The following FBXL22 variants were observed in gnomAD, a reference collection of about 807,000 sequenced individuals.
FBXL22 encodes the protein F-box and leucine rich repeat protein 22.
A neutral mutation model predicts 11.7 loss-of-function variants in FBXL22; 13 were observed. The observed-to-expected ratio is 1.11, with a 90% CI of 0.73 to 1.77. The LOEUF is 1.77. Ranked by LOEUF, FBXL22 falls within the 40% of genes most tolerant of loss-of-function variation. The pLI, the probability that FBXL22 is intolerant of heterozygous loss-of-function variation, is 0.00. For missense variants in FBXL22, 406 were observed against 320.4 expected, an observed-to-expected ratio of 1.27 and a Z score of -2.04; for synonymous variants, 160 against 144.1, an observed-to-expected ratio of 1.11 and a Z score of -0.79.
downstream of FBXL22, among the ~76,000 whole-genome samples, chr15:63,607,237 G>T (rs1481451622): frequency 6.6e-6 from 1 of 152,110 alleles, no homozygotes; most frequent in African/African-American, 2.4e-5. Flanking sequence ...AGTAGAGACG[G>T]GGTTTCACCA....
downstream of FBXL22, among the ~76,000 whole-genome samples, chr15:63,604,478 G>A (rs528447795): frequency 2.6e-4 from 39 of 152,236 alleles, 1 homozygote; most frequent in Non-Finnish European, 4.4e-5. Context: ...GACCCAAATT[G>A]GCCCCCACCT....
intron 1 of FBXL22, chr15:63,599,295 GT>G (rs2067326145): frequency 8.1e-6 from 12 of 1,486,448 alleles, no homozygotes; most frequent in Non-Finnish European, 1.1e-5. Flanking sequence ...TCCGCTCTTT[GT>G]TTTTTCCCTG....
downstream of FBXL22, chr15:63,601,834 A>G: frequency 8.7e-7 from 1 of 1,155,498 alleles, no homozygotes; most frequent in South Asian, 1.7e-5. Flanking sequence ...AAACAAAACC[A>G]GCAGCCCTGG....
downstream of FBXL22, among the ~76,000 whole-genome samples, chr15:63,605,209 C>T (rs2067407452): frequency 6.6e-6 from 1 of 152,202 alleles, no homozygotes; most frequent in South Asian, 2.1e-4. Context: ...CCAGGCCCTA[C>T]CTGGAGTGAC....
At chr15:63,600,330 T>G in intron 1 of FBXL22, 1 of 1,038,122 alleles carries the variant, frequency 9.6e-7, no homozygotes, top group Non-Finnish European at 1.2e-6. Context: ...ACCGCTCCCC[T>G]GCAAGGCAGC....
At chr15:63,601,989 C>T (rs1419520229), downstream of FBXL22, 2 of 340,444 alleles carry the variant, frequency 5.9e-6, no homozygotes, top group East Asian at 6.1e-5. Context: ...TGAAGGCTCT[C>T]GGCCCCCCGG....
In FBXL22 at chr15:63,600,174, T is replaced by C. The variant is rs940356420; in HGVS notation, c.354-523T>C. 3.9e-5 allele frequency: 38 copies of C among 985,826 alleles called. No individual in the cohort carries two copies. The African/African-American group carries it at 5.9e-4, about 15-fold the overall frequency. 61.1% of individuals were successfully genotyped at this position (985,826 alleles called of 1,614,324 possible). A position where few individuals can be genotyped will look rare whatever the true frequency, so the allele number is the denominator to read the frequency against. ...TCTACTAAGCTGAACCCGGACTCAA[T>C]GCTAACGCGTGCCCCCACCGCCTTG... is the stretch of plus-strand genomic sequence containing the variant. On this transcript the variant is annotated intron_variant, in intron 1 of 1. Transcript: ENST00000638704.
At chr15:63,601,437 G>A (rs2067369925), downstream of FBXL22, 2 of 1,580,388 alleles carry the variant, frequency 1.3e-6, no homozygotes, top group Non-Finnish European at 1.7e-6. Flanking sequence ...GGGTGACGGG[G>A]GCCAGGGCTG....
At chr15:63,600,182 C>T (rs931851475) in intron 1 of FBXL22, 1 of 986,072 alleles carries the variant, frequency 1.0e-6, no homozygotes, top group African/African-American at 1.7e-5. Context: ...AATGCTAACG[C>T]GTGCCCCCAC....
rs774389041 is a variant in FBXL22, at chr15:63,599,196, G to A, written c.353+1451G>A. 3 of 1,535,610 alleles carry A rather than the reference G, an allele frequency of 2.0e-6. No homozygotes were observed. In the African/African-American group the frequency reaches 4.1e-5, roughly 21 times the overall value. On this transcript the variant is annotated intron_variant, in intron 1 of 1. Coordinates refer to ENST00000638704, the MANE Select transcript of FBXL22 (RefSeq NM_001367807.1). Reference sequence around the variant, plus strand: ...ACACAGTGGCACCTGGCACATAGTAGGTACTGATGAACGTCTACTGAATCT... The same window carrying A: ...ACACAGTGGCACCTGGCACATAGTAAGTACTGATGAACGTCTACTGAATCT...
downstream of FBXL22, among the ~76,000 whole-genome samples, chr15:63,606,010 C>G (rs1464868899): frequency 2.0e-5 from 3 of 152,214 alleles, no homozygotes; most frequent in Non-Finnish European, 2.9e-5. Context: ...GACACACTGG[C>G]CTGTTTCTGC....
At chr15:63,602,012 C>CCTGGGTCA (rs1478948028), downstream of FBXL22, 1 of 298,192 alleles carries the variant, frequency 3.4e-6, no homozygotes, top group African/African-American at 2.2e-5. Flanking sequence ...GCCGCCTGGT[C>CCTGGGTCA]CTGGGTCACT....
intron 1 of FBXL22, 199 bp from the exon 2 acceptor site, chr15:63,600,498 T>C: frequency 1.6e-6 from 2 of 1,225,678 alleles, no homozygotes; most frequent in Non-Finnish European, 2.0e-6. Flanking sequence ...GAAGGTACGG[T>C]GGGGTGCAGG....
At position 63,600,827 on chromosome 15, in the gene FBXL22, C is replaced by A; in HGVS notation, c.484C>A (p.Arg162Ser). 4 of 1,230,710 alleles carry A rather than the reference C, an allele frequency of 3.3e-6. No individual in the cohort carries two copies. The highest frequency in any genetic ancestry group is 3.0e-6 in the Non-Finnish European group (3 of 987,274). The allele number at this position is 1,230,710 out of a possible 1,614,324, so 76.2% of individuals were successfully genotyped here. A position where few individuals can be genotyped will look rare whatever the true frequency, so the allele number is the denominator to read the frequency against. ...RLENCARVTN[R>S]TLAAVAADGR... is the part of the protein sequence containing the mutation. Reference sequence around the variant, plus strand: ...GGAGAACTGCGCGCGCGTCACCAACCGCACGTTGGCTGCCGTGGCGGCGGA... The same window carrying A: ...GGAGAACTGCGCGCGCGTCACCAACAGCACGTTGGCTGCCGTGGCGGCGGA... The change falls in exon 2 of 2, where the codon CGC becomes AGC. Residue 162 changes from arginine to serine, a missense_variant. Physicochemically the swap from Arg to Ser is moderately radical, Grantham distance 110. Transcript: ENST00000638704.
At chr15:63,598,799 G>A (rs1179164479) in intron 1 of FBXL22, among the ~76,000 whole-genome samples, 1 of 152,196 alleles carries the variant, frequency 6.6e-6, no homozygotes, top group Non-Finnish European at 1.5e-5. Context: ...GTTGGGCCCC[G>A]ACTGGACAAG....
intron 1 of FBXL22, chr15:63,600,193 C>T (rs890253714): frequency 1.0e-6 from 1 of 986,382 alleles, no homozygotes; most frequent in Non-Finnish European, 1.2e-6. Flanking sequence ...GTGCCCCCAC[C>T]GCCTTGAGGG....
Position 63,601,190 on chromosome 15 carries a change from T to TA in FBXL22, c.*152dup. The TA allele has an allele frequency of 2.7e-6, 4 of 1,467,322 alleles. No homozygotes were observed. The South Asian group carries it at 5.5e-5, about 20-fold the overall frequency. 90.9% of individuals were successfully genotyped at this position (1,467,322 alleles called of 1,614,324 possible). ...GGGGATAAGAAAGCCTACCTCACGT[T>TA]ACGATTTTATACATAGGATAAACGC... is the stretch of plus-strand genomic sequence containing the variant. On this transcript the variant is annotated 3_prime_UTR_variant, in exon 2 of 2. Transcript: ENST00000638704.
downstream of FBXL22, among the ~76,000 whole-genome samples, chr15:63,604,221 C>CA (rs549416008): frequency 1.4e-4 from 22 of 152,248 alleles, 1 homozygote; most frequent in South Asian, 4.4e-3. Flanking sequence ...CTAAGGATAA[C>CA]AAGGGAACCT....
At chr15:63,601,925 C>T (rs180974495), downstream of FBXL22, 132 of 549,338 alleles carry the variant, frequency 2.4e-4, 2 homozygotes, top group East Asian at 4.4e-3. Context: ...TGAGCACAAG[C>T]CTAGGCTTCC....
Sources: gnomAD v4.1 joint callset for allele counts (sites outside exome capture counted in the v4.1 genomes callset) on GRCh38, gnomAD v4.1.1 for gene constraint, MANE v1.5 for transcripts, NCBI Gene and HGNC (gene_info 2026-07-23, HGNC 2026-07-21) for gene names.